Variants in RBBP9 observed in about 807,000 individuals in gnomAD.
RBBP9 encodes RB binding protein 9, serine hydrolase.
Under a neutral mutation model 24.2 loss-of-function variants are expected in RBBP9, and 20 were observed. The observed-to-expected ratio is 0.83, with a 90% CI of 0.58 to 1.20. The LOEUF is 1.20. Among genes scored for constraint, RBBP9 ranks in the 50% most tolerant of loss-of-function variants. The pLI is 0.00. For synonymous variants in RBBP9, 74 were observed against 84.6 expected (o/e 0.87, Z 0.69); for missense variants, 234 against 233.6 (o/e 1.00, Z -0.01).
At position 18,489,736 on chromosome 20, in the gene RBBP9, G is replaced by T; in HGVS notation, c.*28C>A. 1 of 1,442,976 alleles carries T rather than the reference G, an allele frequency of 6.9e-7. No individual in the cohort carries two copies. Among genetic ancestry groups the T allele is most frequent in the South Asian group, 1.2e-5 (1 of 86,568 alleles). 89.4% of individuals were successfully genotyped at this position (1,442,976 alleles called of 1,614,324 possible). On this transcript the variant is annotated 3_prime_UTR_variant, in exon 5 of 5. Coordinates refer to ENST00000337227, the MANE Select transcript of RBBP9 (RefSeq NM_006606.3). Reference sequence around the variant, plus strand: ...TAGATATTATTCTACTCCTATATTGGGATGCAAAATAGCAGAAATCATACA... The same window carrying T: ...TAGATATTATTCTACTCCTATATTGTGATGCAAAATAGCAGAAATCATACA...
At chr20:18,495,965 A>G in intron 1 of RBBP9, 85 bp from the exon 2 acceptor site, 1 of 1,130,670 alleles carries the variant, frequency 8.8e-7, no homozygotes. Flanking sequence ...GGCACCTGAT[A>G]TGATCGTTAC....
At chr20:18,493,118 T>C (rs927058370) in intron 3 of RBBP9, among the ~76,000 whole-genome samples, 11 of 152,036 alleles carry the variant, frequency 7.2e-5, no homozygotes, top group Admixed American at 3.3e-4. Flanking sequence ...CTAGCAAATA[T>C]GAAAGAAACT....
intron 1 of RBBP9, 77 bp from the exon 2 acceptor site, chr20:18,495,957 C>T (rs1284151195): frequency 1.4e-5 from 17 of 1,200,218 alleles, no homozygotes; most frequent in Non-Finnish European, 1.9e-5. Context: ...AGAAATGAGG[C>T]ACCTGATATG....
At chr20:18,493,112 C>T (rs2059871560) in intron 3 of RBBP9, among the ~76,000 whole-genome samples, 2 of 152,128 alleles carry the variant, frequency 1.3e-5, no homozygotes, top group African/African-American at 4.8e-5. Context: ...TTTTGCCTAG[C>T]AAATATGAAA....
chr20:18,497,128 C>T lies in RBBP9; in HGVS notation c.40G>A (p.Gly14Arg), dbSNP rs2059889680. The change falls in exon 1 of 5, where the codon GGA becomes AGA. Residue 14 changes from glycine to arginine, a missense_variant. Physicochemically the swap from Gly to Arg is moderately radical, Grantham distance 125. Transcript: ENST00000337227. ...PSKAVIVPGN[G>R]GGDVTTHGWY... ...CCGTGGGTGGTCACATCCCCGCCTC[C>T]GTTCCCGGGAACAATCACTGCCTTG... 3 of 1,614,216 alleles carry T rather than the reference C, an allele frequency of 1.9e-6. No homozygotes were observed. Among genetic ancestry groups the T allele is most frequent in the Non-Finnish European group, 2.5e-6 (3 of 1,180,016 alleles).
intron 3 of RBBP9, among the ~76,000 whole-genome samples, chr20:18,491,675 C>A (rs1446878432): frequency 1.3e-5 from 2 of 152,134 alleles, no homozygotes; most frequent in East Asian, 3.8e-4. Flanking sequence ...TAAGGAAAGA[C>A]ACATAGTAGT....
chr20:18,495,705 G>T, intron 2 of RBBP9, 133 bp downstream of exon 2: 1 of 686,558 alleles, frequency 1.5e-6, no homozygotes, highest in Non-Finnish European at 2.4e-6. Context: ...TCCCCAAGCT[G>T]CTTGCCTTAT....
Position 18,490,008 on chromosome 20 carries a change from T to C in RBBP9, c.335-18A>G, listed in dbSNP as rs773193704. 20 of 1,542,694 alleles carry C rather than the reference T, an allele frequency of 1.3e-5. No individual in the cohort carries two copies. Among genetic ancestry groups the C allele is most frequent in the African/African-American group, 1.4e-5 (1 of 73,138 alleles). On this transcript the variant is annotated intron_variant, in intron 4 of 4. Coordinates refer to ENST00000337227, the MANE Select transcript of RBBP9 (RefSeq NM_006606.3). ...GAAGTATCCTATGGGGAAAAAAAAATGATCTTTCAGTACCCATGGATAATC... is the reference window on the plus strand; with the variant it reads ...GAAGTATCCTATGGGGAAAAAAAAACGATCTTTCAGTACCCATGGATAATC...
intron 1 of RBBP9, 126 bp downstream of exon 1, chr20:18,496,943 A>C: frequency 1.4e-6 from 1 of 721,882 alleles, no homozygotes; most frequent in Non-Finnish European, 2.3e-6. Flanking sequence ...AGCGGGGGAG[A>C]GGCAGGAAAA....
In RBBP9 at chr20:18,489,689, G is replaced by C; in HGVS notation, c.*75C>G. 1.0e-6 allele frequency: 1 copy of C among 954,838 alleles called. No homozygotes were observed. Among genetic ancestry groups the C allele is most frequent in the Non-Finnish European group, 1.6e-6 (1 of 622,892 alleles). 59.1% of individuals were successfully genotyped at this position (954,838 alleles called of 1,614,324 possible). The stretch of plus-strand genomic sequence containing the variant: ...TACGGAACTTAACTGGATGTTCTAT[G>C]TGTCTAGTAATCAGCTGATAGTAGA... On this transcript the variant is annotated 3_prime_UTR_variant, in exon 5 of 5. Coordinates refer to ENST00000337227, the MANE Select transcript of RBBP9 (RefSeq NM_006606.3).
intron 3 of RBBP9, among the ~76,000 whole-genome samples, chr20:18,492,860 C>T (rs1307881137): frequency 6.6e-6 from 1 of 152,272 alleles, no homozygotes; most frequent in African/African-American, 2.4e-5. Context: ...TGCAGTTGGC[C>T]TTGAGTTGGA....
intron 3 of RBBP9, among the ~76,000 whole-genome samples, chr20:18,490,885 G>C (rs958306736): frequency 6.6e-6 from 1 of 151,714 alleles, no homozygotes; most frequent in Non-Finnish European, 1.5e-5. Flanking sequence ...CACCATGTTG[G>C]CCAGGCTGGT....
At chr20:18,496,566 C>G (rs1302106665) in intron 1 of RBBP9, among the ~76,000 whole-genome samples, 8 of 152,062 alleles carry the variant, frequency 5.3e-5, no homozygotes, top group African/African-American at 1.9e-4. Context: ...CAGGATGGCA[C>G]GGGACTGAGA....
rs1196299480 is a variant in RBBP9 at position 18,490,412 on chromosome 20, T to A, written c.317A>T (p.Glu106Val). Residue 106 changes from glutamate (E) to valine (V), a missense_variant, in exon 4 of 5, where the codon GAA becomes GTA. Glu to Val is a moderately radical substitution (Grantham distance 121). Transcript: ENST00000337227. ...VSAYTSDLGD[E>V]NERASGYFTR... ...GGACTTACCACTTGCACGCTCATTTTCATCCCCCAAGTCTGATGTGTACGC... is the reference window on the plus strand; with the variant it reads ...GGACTTACCACTTGCACGCTCATTTACATCCCCCAAGTCTGATGTGTACGC... 1 of 1,613,748 alleles carries A rather than the reference T, an allele frequency of 6.2e-7. No homozygotes were observed. Among genetic ancestry groups the A allele is most frequent in the South Asian group, 1.1e-5 (1 of 91,078 alleles).
Position 18,489,626 on chromosome 20 carries a change from G to C in RBBP9, c.*138C>G, listed in dbSNP as rs920075750. 1 of 614,436 alleles carries C rather than the reference G, an allele frequency of 1.6e-6. No homozygotes were observed. The highest frequency in any genetic ancestry group is 1.8e-5 in the African/African-American group (1 of 54,262). 38.1% of individuals were successfully genotyped at this position (614,436 alleles called of 1,614,324 possible). On this transcript the variant is annotated 3_prime_UTR_variant, in exon 5 of 5. Transcript: ENST00000337227. ...AAATGGAAGTGCTATTTGTAACTTA[G>C]ATTGAATGTTGAAACTTGTGTTTGT...
chr20:18,494,811 T>A (rs911545901), intron 2 of RBBP9, among the ~76,000 whole-genome samples: 2 of 152,196 alleles, frequency 1.3e-5, no homozygotes, highest in African/African-American at 2.4e-5. Context: ...TTTTTAAACA[T>A]TAGGACCTCA....
rs78632559 is a variant in RBBP9, at chr20:18,489,250, C to T, written c.*514G>A. 2,746 of 152,766 alleles carry T rather than the reference C, an allele frequency of 0.018. 93 individuals carry two copies. Among genetic ancestry groups the T allele is most frequent in the African/African-American group, 0.063 (2,618 of 41,534 alleles). The allele number at this position is 152,766 out of a possible 1,614,324, so 9.5% of individuals were successfully genotyped here. On this transcript the variant is annotated 3_prime_UTR_variant, in exon 5 of 5. Coordinates refer to ENST00000337227, the MANE Select transcript of RBBP9 (RefSeq NM_006606.3). ...AGTCTCTCTCAACATGTCTGAAGGA[C>T]TTAGGGGCAAGTGTCAGAGGTGAAG... is the stretch of plus-strand genomic sequence containing the variant.
At chr20:18,494,777 C>G (rs921867913) in intron 2 of RBBP9, among the ~76,000 whole-genome samples, 2 of 152,058 alleles carry the variant, frequency 1.3e-5, no homozygotes, top group South Asian at 2.1e-4. Flanking sequence ...TAGGCATACC[C>G]AGAACAAAAG....
chr20:18,493,862 T>G, intron 3 of RBBP9, 96 bp downstream of exon 3: 1 of 951,644 alleles, frequency 1.1e-6, no homozygotes, highest in South Asian at 1.6e-5. Flanking sequence ...CAGCACTGTT[T>G]CCTCTGCAAC....
Sources: allele counts gnomAD v4.1 joint callset (sites outside exome capture counted in the v4.1 genomes callset), GRCh38; gene constraint gnomAD v4.1.1; transcripts MANE v1.5; gene names NCBI Gene and HGNC (gene_info 2026-07-23, HGNC 2026-07-21).